The following STX16 variants were observed in gnomAD, a reference collection of about 807,000 sequenced individuals.
STX16 encodes syntaxin-16.
Under a neutral mutation model 42.7 loss-of-function variants are expected in STX16, and 28 were observed. The ratio of observed to expected loss-of-function variants is 0.66; its 90% CI spans 0.49 to 0.90. The LOEUF (loss-of-function observed/expected upper bound fraction) is 0.90. Among genes scored for constraint, STX16 ranks in the 40% least tolerant of loss-of-function variants. The pLI is 0.00. For synonymous variants in STX16, 156 were observed against 155.2 expected, an observed-to-expected ratio of 1.00 and a Z score of -0.04; for missense variants, 361 against 420.9, an observed-to-expected ratio of 0.86 and a Z score of 1.24.
intron 5 of STX16, among the ~76,000 whole-genome samples, chr20:58,669,746 A>C (rs544000716): frequency 6.6e-6 from 1 of 152,318 alleles, no homozygotes; most frequent in East Asian, 1.9e-4. Context: ...TCAACCAAGC[A>C]CATTTTAAAA....
rs1391306560 is a variant in STX16, at chr20:58,679,203, G to A, written c.*2912G>A. The stretch of plus-strand genomic sequence containing the variant: ...GGCTGGGCCATGCTTGTGAAGTGAT[G>A]TGTGTCTCTGATTTAACGGATTCAC... On this transcript the variant is annotated 3_prime_UTR_variant, in exon 9 of 9. Coordinates refer to ENST00000371141, the MANE Select transcript of STX16 (RefSeq NM_001001433.3). The A allele has an allele frequency of 2.0e-5, 3 of 152,458 alleles. No homozygotes were observed. The highest frequency in any genetic ancestry group is 2.9e-5 in the Non-Finnish European group (2 of 68,046). The allele number at this position is 152,458 out of a possible 1,614,324, so 9.4% of individuals were successfully genotyped here.
chr20:58,658,181 A>G (rs1011901197), intron 1 of STX16, among the ~76,000 whole-genome samples: 6 of 152,236 alleles, frequency 3.9e-5, no homozygotes, highest in African/African-American at 1.2e-4. Context: ...GCAATAGTAC[A>G]TCGTTCAAAG....
chr20:58,654,912 G>C (rs937175929), intron 1 of STX16, among the ~76,000 whole-genome samples: 1 of 152,116 alleles, frequency 6.6e-6, no homozygotes, highest in Admixed American at 6.5e-5. Context: ...GTATGTGTGC[G>C]ACATTTTACC....
chr20:58,662,795 A>G (rs561729199), intron 2 of STX16, among the ~76,000 whole-genome samples: 2 of 152,290 alleles, frequency 1.3e-5, no homozygotes, highest in South Asian at 4.1e-4. Flanking sequence ...CCCAAGTGCT[A>G]GGATTACAGG....
chr20:58,678,078 C>G lies in STX16; in HGVS notation c.*1787C>G, dbSNP rs886464704. 6 of 152,228 alleles carry G rather than the reference C, an allele frequency of 3.9e-5. No individual in the cohort carries two copies. Among genetic ancestry groups the G allele is most frequent in the African/African-American group, 1.4e-4 (6 of 41,450 alleles). 9.4% of individuals were successfully genotyped at this position (152,228 alleles called of 1,614,324 possible). A position where few individuals can be genotyped will look rare whatever the true frequency, so the allele number is the denominator to read the frequency against. ...CACTGCAGGTGTTCTTTCATCCCATCTGATTTTAACCCATGGTTGAGACGT... is the reference window on the plus strand; with the variant it reads ...CACTGCAGGTGTTCTTTCATCCCATGTGATTTTAACCCATGGTTGAGACGT... On this transcript the variant is annotated 3_prime_UTR_variant, in exon 9 of 9. Transcript: ENST00000371141.
intron 5 of STX16, among the ~76,000 whole-genome samples, chr20:58,669,867 G>A (rs1475443403): frequency 6.6e-6 from 1 of 152,202 alleles, no homozygotes; most frequent in African/African-American, 2.4e-5. Flanking sequence ...GTGTTTGAGA[G>A]CACCTGAGAA....
At chr20:58,656,524 G>C (rs1319451615) in intron 1 of STX16, among the ~76,000 whole-genome samples, 1 of 152,218 alleles carries the variant, frequency 6.6e-6, no homozygotes, top group Admixed American at 6.5e-5. Flanking sequence ...CTTCTGATCT[G>C]ATGAAATTCT....
In STX16 at chr20:58,671,425, TATGTGTGTGTGGGTGTGTGTG is replaced by T. The variant is rs1255864326; in HGVS notation, c.792+129_792+149del. The T allele has an allele frequency of 2.0e-4, 94 of 467,844 alleles. 2 individuals are homozygous for T. Among genetic ancestry groups the T allele is most frequent in the Middle Eastern group, 1.7e-3 (3 of 1,804 alleles). The allele number at this position is 467,844 out of a possible 1,614,324, so 29.0% of individuals were successfully genotyped here. A position where few individuals can be genotyped will look rare whatever the true frequency, so the allele number is the denominator to read the frequency against. On this transcript the variant is annotated intron_variant, in intron 7 of 8. Transcript: ENST00000371141. ...CCAACATGTGTGTGCACCTGTCCTTTATGTGTGTGTGGGTGTGTGTGTGTGTGTGTGTGTGTGTGTGTGTGT... is the reference window on the plus strand; with the variant it reads ...CCAACATGTGTGTGCACCTGTCCTTTTGTGTGTGTGTGTGTGTGTGTGTGT...
rs10706096 is a variant in STX16 at position 58,660,713 on chromosome 20, CTTTTTTTTTTT to C, written c.144+1095_144+1105del. Among the ~76,000 whole-genome samples the C allele has an allele frequency of 1.3e-4, 9 of 70,740 alleles. No individual in the cohort carries two copies. In the South Asian group the frequency reaches 2.5e-3, roughly 19 times the overall value. The allele number at this position is 70,740 out of a possible 152,430, so 46.4% of individuals were successfully genotyped here. On this transcript the variant is annotated intron_variant, in intron 2 of 8. Coordinates refer to ENST00000371141, the MANE Select transcript of STX16 (RefSeq NM_001001433.3). ...AGCATGGATAATATGATTCCTGCTC[CTTTTTTTTTTT>C]TTTTTTTTTTTTTTTCAGGAAAAAT...
rs776576965 is a variant in STX16, at chr20:58,671,311, C to A, written c.792+14C>A. 3.0e-5 allele frequency: 48 copies of A among 1,593,728 alleles called. No homozygotes were observed. The highest frequency in any genetic ancestry group is 8.5e-5 in the Admixed American group (5 of 58,622). On this transcript the variant is annotated intron_variant, in intron 7 of 8. Coordinates refer to ENST00000371141, the MANE Select transcript of STX16 (RefSeq NM_001001433.3). ...ATTGTAGAACAGGTACGTGAGCTGG[C>A]CTTCCTCGTGAATAGGTTTTCCTGC...
Position 58,677,157 on chromosome 20 carries a change from C to A in STX16, c.*866C>A, listed in dbSNP as rs2084149761. 1.3e-5 allele frequency: 2 copies of A among 152,654 alleles called. No individual in the cohort carries two copies. The highest frequency in any genetic ancestry group is 4.8e-5 in the African/African-American group (2 of 41,452). The allele number at this position is 152,654 out of a possible 1,614,324, so 9.5% of individuals were successfully genotyped here. ...AGTGTGTCCCCATGGGTATCCCCAG[C>A]CATCCTTGCTCAATCCATTACTTAT... On this transcript the variant is annotated 3_prime_UTR_variant, in exon 9 of 9. Transcript: ENST00000371141.
chr20:58,662,909 G>A (rs2083733862), intron 2 of STX16, among the ~76,000 whole-genome samples: 1 of 152,152 alleles, frequency 6.6e-6, no homozygotes, highest in African/African-American at 2.4e-5. Flanking sequence ...ATTATTACGG[G>A]TTTAGAAAAA....
intron 7 of STX16, among the ~76,000 whole-genome samples, 173 bp downstream of exon 7, chr20:58,671,470 GTGTA>G (rs1171132351): frequency 0.013 from 1,276 of 98,294 alleles, 15 homozygotes; most frequent in African/African-American, 0.047. Flanking sequence ...GTGTGTGTGT[GTGTA>G]TATTAATATT....
At chr20:58,670,022 C>T in intron 5 of STX16, among the ~76,000 whole-genome samples, 1 of 152,158 alleles carries the variant, frequency 6.6e-6, no homozygotes, top group East Asian at 1.9e-4. Flanking sequence ...TTAAAATTGC[C>T]CTTGCAATCA....
chr20:58,652,359 C>A, intron 1 of STX16: 2 of 639,960 alleles, frequency 3.1e-6, no homozygotes, highest in Non-Finnish European at 5.6e-6. Flanking sequence ...GTCTTCTCCT[C>A]ACTTCCGCAG....
At chr20:58,658,438 T>C (rs529249315) in intron 1 of STX16, among the ~76,000 whole-genome samples, 4 of 152,344 alleles carry the variant, frequency 2.6e-5, no homozygotes, top group Admixed American at 2.6e-4. Flanking sequence ...TTTGCTCTCA[T>C]AGAAAATTGT....
chr20:58,665,995 T>A (rs1191996948), intron 2 of STX16, among the ~76,000 whole-genome samples: 1 of 152,210 alleles, frequency 6.6e-6, no homozygotes, highest in Non-Finnish European at 1.5e-5. Context: ...TCTTTAGGAT[T>A]TAGGGCCTAT....
In STX16 at chr20:58,677,967, T is replaced by G. The variant is rs893623188; in HGVS notation, c.*1676T>G. On this transcript the variant is annotated 3_prime_UTR_variant, in exon 9 of 9. Transcript: ENST00000371141. The stretch of plus-strand genomic sequence containing the variant: ...CGGACCTGGTATTCCCTGACAAACA[T>G]TGCTTAGGAAAGAGGGCCGGAGAAT... The G allele has an allele frequency of 3.3e-5, 5 of 152,242 alleles. No individual in the cohort carries two copies. Among genetic ancestry groups the G allele is most frequent in the Admixed American group, 6.5e-5 (1 of 15,278 alleles). 9.4% of individuals were successfully genotyped at this position (152,242 alleles called of 1,614,324 possible).
chr20:58,668,197 T>C, intron 4 of STX16, 70 bp downstream of exon 4: 2 of 1,577,588 alleles, frequency 1.3e-6, no homozygotes, highest in South Asian at 1.2e-5. Context: ...ACTAGAGTGT[T>C]ACTCAGAATC....
Sources: allele counts gnomAD v4.1 joint callset (sites outside exome capture counted in the v4.1 genomes callset), GRCh38; gene constraint gnomAD v4.1.1; transcripts MANE v1.5; gene names NCBI Gene and HGNC (gene_info 2026-07-23, HGNC 2026-07-21).